LMBRD1: variants seen among roughly 807,000 people sequenced by gnomAD.
LMBRD1 encodes the protein lysosomal cobalamin transport escort protein LMBD1.
In LMBRD1, 64 loss-of-function variants were observed where a neutral mutation model predicts 74.8. The observed-to-expected ratio is 0.86, with a 90% confidence interval of 0.70 to 1.05. The LOEUF (loss-of-function observed/expected upper bound fraction) is 1.05. Ranked by LOEUF, LMBRD1 falls within the 50% of genes least tolerant of loss-of-function variation. LMBRD1 has a pLI of 0.00. For missense variants in LMBRD1, 652 were observed against 645.9 expected, an observed-to-expected ratio of 1.01 and a Z score of -0.10; for synonymous variants, 204 against 216.3, an observed-to-expected ratio of 0.94 and a Z score of 0.50.
At chr6:69,688,510 T>A (rs17503505) in intron 14 of LMBRD1, among the ~76,000 whole-genome samples, 1 of 151,710 alleles carries the variant, frequency 6.6e-6, no homozygotes, top group Non-Finnish European at 1.5e-5. Context: ...TTCCATATTC[T>A]GGGAAAAGAC....
intron 14 of LMBRD1, among the ~76,000 whole-genome samples, chr6:69,692,956 T>G (rs1314409404): frequency 6.6e-6 from 1 of 152,172 alleles, no homozygotes; most frequent in Non-Finnish European, 1.5e-5. Flanking sequence ...TAAGGTATAT[T>G]GGTCTTTCAT....
chr6:69,687,409 C>A (rs1448623613), intron 14 of LMBRD1, among the ~76,000 whole-genome samples: 1 of 152,166 alleles, frequency 6.6e-6, no homozygotes, highest in Non-Finnish European at 1.5e-5. Context: ...TCCATGGGGA[C>A]AGGGATACTA....
chr6:69,689,262 A>C (rs575094416), intron 14 of LMBRD1, among the ~76,000 whole-genome samples: 1 of 152,240 alleles, frequency 6.6e-6, no homozygotes, highest in African/African-American at 2.4e-5. Context: ...AAAGAAAGTT[A>C]AGATTCTGAA....
chr6:69,724,386 G>A (rs1582090463), intron 7 of LMBRD1, among the ~76,000 whole-genome samples: 2 of 143,860 alleles, frequency 1.4e-5, no homozygotes, highest in South Asian at 2.3e-4. Context: ...CAATATTCAT[G>A]AATATTCATA....
chr6:69,700,732 T>G (rs1214201969), intron 12 of LMBRD1, 33 bp downstream of exon 12: 35 of 1,343,016 alleles, frequency 2.6e-5, no homozygotes, highest in Non-Finnish European at 3.3e-5. Context: ...CACAAAATGA[T>G]GAGAAAAAAA....
chr6:69,718,897 A>G, intron 8 of LMBRD1, 59 bp downstream of exon 8: 1 of 1,580,526 alleles, frequency 6.3e-7, no homozygotes, highest in Non-Finnish European at 8.7e-7. Context: ...TCATATCAGA[A>G]AGCAGCTCTA....
chr6:69,790,408 A>G lies in LMBRD1; in HGVS notation c.134T>C (p.Val45Ala). Residue 45 changes from valine (V) to alanine (A), a missense_variant, in exon 2 of 16, where the codon GTC (valine) becomes GCC (alanine). By Grantham distance (64) the Val-to-Ala change is moderately conservative. Coordinates refer to ENST00000649934, the MANE Select transcript of LMBRD1 (RefSeq NM_018368.4). ...AGAAAAAATTGCTGTTATGGTGGAG[A>G]CAACTTCACTTTCCCGCCGACTTTG... The part of the protein sequence containing the change: ...KYQSRRESEV[V>A]STITAIFSLA... 1 of 1,614,070 alleles carries G rather than the reference A, an allele frequency of 6.2e-7. No individual in the cohort carries two copies. Among genetic ancestry groups the G allele is most frequent in the Non-Finnish European group, 8.5e-7 (1 of 1,179,950 alleles).
rs540654182 is a variant in LMBRD1, at chr6:69,705,927, A to G, written c.916-3974T>C. On this transcript the variant is annotated intron_variant, in intron 9 of 15. Transcript: ENST00000649934. ...TTGTTGGCTGTACAGACATTTTCAA[A>G]GTTGCCAGTGTTACTTTAATTGGAC... 174 of 1,216,614 alleles carry G rather than the reference A, an allele frequency of 1.4e-4. 1 individual carries two copies. In the African/African-American group the frequency reaches 2.0e-3, roughly 14 times the overall value. The allele number at this position is 1,216,614 out of a possible 1,614,324, so 75.4% of individuals were successfully genotyped here.
chr6:69,737,875 T>C (rs1767008692), intron 7 of LMBRD1, 67 bp downstream of exon 7: 1 of 994,176 alleles, frequency 1.0e-6, no homozygotes, highest in Non-Finnish European at 1.6e-6. Flanking sequence ...TAAAGTTTAA[T>C]AAATTACTAA....
intron 7 of LMBRD1, among the ~76,000 whole-genome samples, chr6:69,722,234 A>AAACGAAAGATAAAGATCTTCCCAGAG (rs1303906581): frequency 4.6e-5 from 7 of 152,158 alleles, no homozygotes; most frequent in Non-Finnish European, 7.4e-5. Context: ...CTTCCCAGAG[A>AAACGAAAGATAAAGATCTTCCCAGAG]AACAAAAGCT....
chr6:69,791,231 C>T (rs1183653903), intron 1 of LMBRD1, among the ~76,000 whole-genome samples: 1 of 152,138 alleles, frequency 6.6e-6, no homozygotes. Context: ...ATTGCTAGGC[C>T]CCATCCTCTG....
At chr6:69,786,873 A>G (rs1006846127) in intron 2 of LMBRD1, among the ~76,000 whole-genome samples, 6 of 152,232 alleles carry the variant, frequency 3.9e-5, no homozygotes, top group African/African-American at 1.2e-4. Flanking sequence ...AGAGTTTCCA[A>G]ATAATTATAC....
chr6:69,780,540 A>C lies in LMBRD1; in HGVS notation c.261T>G (p.Ala87=). 1 of 1,607,484 alleles carries C rather than the reference A, an allele frequency of 6.2e-7. No homozygotes were observed. Among genetic ancestry groups the C allele is most frequent in the Middle Eastern group, 1.7e-4 (1 of 6,016 alleles). ...TGTCCTCAATCTGTCTGCTGACATT[A>C]GCATTAGCCCAGTCCTAGGATAAAA... The part of the protein sequence containing the change: ...QNGTFKDWAN[A]NVSRQIEDTV... The change falls in exon 3 of 16, where the codon GCT becomes GCG. Residue 87 remains alanine, a synonymous_variant. Transcript: ENST00000649934.
At chr6:69,745,053 C>T (rs974193130) in intron 5 of LMBRD1, among the ~76,000 whole-genome samples, 1 of 151,894 alleles carries the variant, frequency 6.6e-6, no homozygotes, top group Non-Finnish European at 1.5e-5. Context: ...CCAGCATGGT[C>T]TCGATCTCTT....
intron 9 of LMBRD1, among the ~76,000 whole-genome samples, chr6:69,710,666 C>T (rs1411368649): frequency 3.9e-5 from 6 of 151,926 alleles, no homozygotes; most frequent in African/African-American, 1.5e-4. Context: ...AGAAAATGGC[C>T]AAGAGATTTA....
intron 3 of LMBRD1, among the ~76,000 whole-genome samples, chr6:69,773,622 G>T (rs1362603138): frequency 6.6e-6 from 1 of 151,924 alleles, no homozygotes; most frequent in Non-Finnish European, 1.5e-5. Flanking sequence ...TGTATACTTT[G>T]ACTCACTCCT....
At chr6:69,690,246 C>A (rs1008670212) in intron 14 of LMBRD1, among the ~76,000 whole-genome samples, 9 of 151,926 alleles carry the variant, frequency 5.9e-5, no homozygotes, top group Admixed American at 3.9e-4. Flanking sequence ...CCCATCTATC[C>A]CTGACTAATC....
intron 14 of LMBRD1, among the ~76,000 whole-genome samples, chr6:69,696,780 T>A (rs540394823): frequency 3.3e-5 from 5 of 152,148 alleles, no homozygotes; most frequent in Non-Finnish European, 7.4e-5. Context: ...TTACATTACA[T>A]AGTTGACCCT....
intron 3 of LMBRD1, among the ~76,000 whole-genome samples, chr6:69,780,275 C>G (rs1222373747): frequency 6.6e-6 from 1 of 151,962 alleles, no homozygotes; most frequent in Non-Finnish European, 1.5e-5. Flanking sequence ...GGTTTTGGAG[C>G]TCCCCTCCCT....
Sources: gnomAD v4.1 joint callset for allele counts (sites outside exome capture counted in the v4.1 genomes callset) on GRCh38, gnomAD v4.1.1 for gene constraint, MANE v1.5 for transcripts, NCBI Gene and HGNC (gene_info 2026-07-23, HGNC 2026-07-21) for gene names.